Variants in CEP128 observed in about 807,000 individuals in gnomAD.
CEP128 encodes centrosomal protein 128.
CEP128 carries 132 observed loss-of-function variants against 156.7 expected under a neutral mutation model. The ratio of observed to expected loss-of-function variants is 0.84; its 90% confidence interval spans 0.73 to 0.97. CEP128 has a LOEUF of 0.97. CEP128 is among the 50% of genes least tolerant of loss of function. The pLI is 0.00. For synonymous variants in CEP128, 469 were observed against 448.9 expected (o/e 1.04, Z -0.57); for missense variants, 1,252 against 1,281.9 (o/e 0.98, Z 0.36).
intron 16 of CEP128, among the ~76,000 whole-genome samples, chr14:80,765,581 A>C (rs975643029): frequency 6.6e-6 from 1 of 152,228 alleles, no homozygotes; most frequent in African/African-American, 2.4e-5. Context: ...GACACAATCT[A>C]ACTTCAATGT....
At chr14:80,929,378 A>G (rs934746427) in intron 2 of CEP128, among the ~76,000 whole-genome samples, 1 of 152,240 alleles carries the variant, frequency 6.6e-6, no homozygotes, top group Admixed American at 6.5e-5. Flanking sequence ...GTATCTACCC[A>G]AAGGAAAATA....
At chr14:80,848,297 A>T (rs1295410011) in intron 9 of CEP128, among the ~76,000 whole-genome samples, 2 of 152,210 alleles carry the variant, frequency 1.3e-5, no homozygotes, top group African/African-American at 4.8e-5. Context: ...AGCAGGAGGT[A>T]CATGGTATAT....
chr14:80,562,405 T>C (rs898265668), intron 20 of CEP128, among the ~76,000 whole-genome samples: 1 of 152,168 alleles, frequency 6.6e-6, no homozygotes, highest in Non-Finnish European at 1.5e-5. Flanking sequence ...TTGTAGTCAA[T>C]TACTGATTTT....
At chr14:80,487,242 C>G (rs1332382680), downstream of CEP128, among the ~76,000 whole-genome samples, 1 of 152,014 alleles carries the variant, frequency 6.6e-6, no homozygotes, top group East Asian at 1.9e-4. Context: ...TCTGATAAAA[C>G]AGACTTTAAA....
intron 19 of CEP128, among the ~76,000 whole-genome samples, chr14:80,710,967 A>G (rs1170514404): frequency 6.6e-6 from 1 of 152,152 alleles, no homozygotes; most frequent in Non-Finnish European, 1.5e-5. Flanking sequence ...CTGGAACATT[A>G]AAGTAAATCT....
In CEP128 at chr14:80,785,392, A is replaced by G; in HGVS notation, c.1714T>C (p.Ser572Pro). 6.2e-7 allele frequency: 1 copy of G among 1,614,116 alleles called. No individual in the cohort carries two copies. Among genetic ancestry groups the G allele is most frequent in the Non-Finnish European group, 8.5e-7 (1 of 1,180,012 alleles). Residue 572 changes from serine (S) to proline (P), a missense_variant, in exon 15 of 25, where the codon TCT becomes CCT. Transcript: ENST00000555265. ...TCCAATTCAAGGTCAGCTTGATGAGACTTAATATCACGTAATTTCTCCTCC... is the reference window on the plus strand; with the variant it reads ...TCCAATTCAAGGTCAGCTTGATGAGGCTTAATATCACGTAATTTCTCCTCC... ...SKEEKLRDIK[S>P]HQADLELEVK...
chr14:80,845,156 A>G (rs1254750699), intron 9 of CEP128, among the ~76,000 whole-genome samples: 1 of 152,148 alleles, frequency 6.6e-6, no homozygotes, highest in Admixed American at 6.6e-5. Context: ...CATTCTTCAA[A>G]TGTTATAAAT....
At chr14:80,513,641 T>C (rs1005488411) in intron 23 of CEP128, among the ~76,000 whole-genome samples, 24 of 152,316 alleles carry the variant, frequency 1.6e-4, no homozygotes, top group African/African-American at 5.8e-4. Context: ...CTCTATTTTT[T>C]AATCTTGCCC....
intron 19 of CEP128, among the ~76,000 whole-genome samples, chr14:80,601,288 G>A (rs1420031348): frequency 6.6e-6 from 1 of 152,136 alleles, no homozygotes; most frequent in Non-Finnish European, 1.5e-5. Flanking sequence ...TCTGAGAAGT[G>A]TGGTGTTCTG....
chr14:80,705,299 T>C (rs1566867617), intron 19 of CEP128, among the ~76,000 whole-genome samples: 1 of 152,048 alleles, frequency 6.6e-6, no homozygotes. Flanking sequence ...TGTGTGTGTG[T>C]GTTTTGTTTT....
chr14:80,561,684 C>A (rs567761444), intron 20 of CEP128, among the ~76,000 whole-genome samples: 1 of 152,082 alleles, frequency 6.6e-6, no homozygotes, highest in South Asian at 2.1e-4. Context: ...TTGAAATAGG[C>A]GATTTCATAT....
chr14:80,724,677 G>A (rs977030150), intron 19 of CEP128, among the ~76,000 whole-genome samples: 1 of 151,888 alleles, frequency 6.6e-6, no homozygotes, highest in Admixed American at 6.6e-5. Flanking sequence ...GTTGACAGTA[G>A]GACTTGCTAC....
At chr14:80,517,331 A>G (rs1003310067) in intron 23 of CEP128, among the ~76,000 whole-genome samples, 4 of 151,840 alleles carry the variant, frequency 2.6e-5, no homozygotes, top group Non-Finnish European at 5.9e-5. Flanking sequence ...GATTTGAAAC[A>G]TTTTTTCTTT....
chr14:80,857,364 T>C (rs936926738), intron 9 of CEP128, among the ~76,000 whole-genome samples: 5 of 152,034 alleles, frequency 3.3e-5, no homozygotes, highest in Admixed American at 1.3e-4. Flanking sequence ...AAGGAGTTTA[T>C]AGTATGATAA....
chr14:80,703,249 C>T (rs1897133225), intron 19 of CEP128, among the ~76,000 whole-genome samples: 1 of 152,018 alleles, frequency 6.6e-6, no homozygotes, highest in Admixed American at 6.6e-5. Context: ...TAAAAGGACC[C>T]TTCTCAGCTC....
chr14:80,556,151 A>G (rs1428399550), intron 21 of CEP128, among the ~76,000 whole-genome samples: 1 of 152,122 alleles, frequency 6.6e-6, no homozygotes, highest in South Asian at 2.1e-4. Flanking sequence ...GAATCAACCC[A>G]TTCTATTTTG....
At position 80,688,431 on chromosome 14, in the gene CEP128, C is replaced by T. The variant is rs1364103076; in HGVS notation, c.2806+54644G>A. On this transcript the variant is annotated intron_variant, in intron 19 of 24. Coordinates refer to ENST00000555265, the MANE Select transcript of CEP128 (RefSeq NM_152446.5). ...AATTCAGTTATTCACTAGCCTATTC[C>T]GTGTCCATGTAACAAACAAAAATAC... is the stretch of plus-strand genomic sequence containing the variant. 2.6e-5 allele frequency among the ~76,000 whole-genome samples: 4 copies of T among 152,068 alleles called. No individual in the cohort carries two copies. The East Asian group carries it at 5.8e-4, about 22-fold the overall frequency.
intron 9 of CEP128, among the ~76,000 whole-genome samples, chr14:80,848,279 T>C (rs1413168382): frequency 2.6e-5 from 4 of 152,096 alleles, no homozygotes; most frequent in Admixed American, 6.6e-5. Context: ...AAAGTGCAAA[T>C]GCCCAGGAGC....
chr14:80,572,920 CTGTTTTT>C (rs926046304), intron 20 of CEP128, among the ~76,000 whole-genome samples: 12 of 152,076 alleles, frequency 7.9e-5, no homozygotes, highest in African/African-American at 1.4e-4. Context: ...ACCCAGGTCA[CTGTTTTT>C]TGTTTTTTGT....
Sources: gnomAD v4.1 joint callset for allele counts (sites outside exome capture counted in the v4.1 genomes callset) on GRCh38, gnomAD v4.1.1 for gene constraint, MANE v1.5 for transcripts, NCBI Gene and HGNC (gene_info 2026-07-23, HGNC 2026-07-21) for gene names.